CCDC149: variants seen among roughly 807,000 people sequenced by gnomAD.
CCDC149 encodes the protein coiled-coil domain containing 149.
In CCDC149, 45 loss-of-function variants were observed where a neutral mutation model predicts 59.9. That is an observed-to-expected ratio of 0.75 (90% confidence interval 0.59 to 0.96). The LOEUF is 0.96. Ranked by LOEUF, CCDC149 falls within the 40% of genes least tolerant of loss-of-function variation. The pLI, the probability that CCDC149 is intolerant of heterozygous loss-of-function variation, is 0.00. For missense variants in CCDC149, 584 were observed against 664.7 expected (o/e 0.88, Z 1.33); for synonymous variants, 245 against 260.6 (o/e 0.94, Z 0.58).
intron 1 of CCDC149, among the ~76,000 whole-genome samples, chr4:24,970,582 A>T (rs1723937059): frequency 6.6e-6 from 1 of 152,140 alleles, no homozygotes; most frequent in South Asian, 2.1e-4. Flanking sequence ...AACATAACAC[A>T]TGTCACTACA....
intron 1 of CCDC149, among the ~76,000 whole-genome samples, chr4:24,951,725 G>C (rs779176198): frequency 3.9e-5 from 6 of 152,174 alleles, no homozygotes; most frequent in Non-Finnish European, 7.3e-5. Context: ...ATACCTCACA[G>C]TGTTATTAGA....
chr4:24,917,611 A>G (rs1195352173), upstream of CCDC149, among the ~76,000 whole-genome samples: 1 of 152,038 alleles, frequency 6.6e-6, no homozygotes, highest in Non-Finnish European at 1.5e-5. Flanking sequence ...GCCGGAGGAG[A>G]GGCCTAAAGA....
chr4:24,951,565 G>A (rs753285087), intron 1 of CCDC149, among the ~76,000 whole-genome samples: 2 of 152,074 alleles, frequency 1.3e-5, no homozygotes, highest in African/African-American at 2.4e-5. Context: ...CTTACTCTGG[G>A]TTTTTCTGGT....
chr4:24,850,790 G>A (rs1461518666), intron 4 of CCDC149, among the ~76,000 whole-genome samples: 1 of 152,096 alleles, frequency 6.6e-6, no homozygotes, highest in African/African-American at 2.4e-5. Context: ...TGGGAACGGG[G>A]GCTTCTGAGG....
At chr4:24,863,653 C>T (rs1718514030) in intron 3 of CCDC149, among the ~76,000 whole-genome samples, 1 of 152,232 alleles carries the variant, frequency 6.6e-6, no homozygotes, top group Non-Finnish European at 1.5e-5. Context: ...ACTCTAAAGC[C>T]TCCTATCAAC....
chr4:24,833,170 A>G (rs1716267152), intron 8 of CCDC149, among the ~76,000 whole-genome samples: 1 of 151,716 alleles, frequency 6.6e-6, no homozygotes, highest in African/African-American at 2.4e-5. Context: ...TATTCCTACC[A>G]GACATTAAAA....
At chr4:24,843,025 T>A (rs944484965) in intron 4 of CCDC149, among the ~76,000 whole-genome samples, 2 of 151,084 alleles carry the variant, frequency 1.3e-5, no homozygotes, top group African/African-American at 2.4e-5. Flanking sequence ...AAAAAAAAAA[T>A]GGATAAAATC....
intron 1 of CCDC149, among the ~76,000 whole-genome samples, chr4:24,977,721 G>T (rs1220114210): frequency 6.6e-6 from 1 of 152,182 alleles, no homozygotes; most frequent in African/African-American, 2.4e-5. Flanking sequence ...CCAATACAGG[G>T]ATGATAATAC....
At chr4:24,866,838 C>CAT (rs1404946631) in intron 3 of CCDC149, among the ~76,000 whole-genome samples, 1 of 148,148 alleles carries the variant, frequency 6.8e-6, no homozygotes, top group Non-Finnish European at 1.5e-5. Flanking sequence ...CACACACACA[C>CAT]ACACACGTGC....
chr4:24,842,869 C>A (rs1211705425), intron 4 of CCDC149, among the ~76,000 whole-genome samples: 1 of 152,224 alleles, frequency 6.6e-6, no homozygotes, highest in Non-Finnish European at 1.5e-5. Context: ...TTACCTGAAT[C>A]TGTTTTACCC....
intron 3 of CCDC149, among the ~76,000 whole-genome samples, chr4:24,857,946 C>A (rs541379952): frequency 6.6e-6 from 1 of 152,160 alleles, no homozygotes; most frequent in Non-Finnish European, 1.5e-5. Flanking sequence ...ACCTCCTCAA[C>A]TCCAAAACAA....
At chr4:24,884,997 A>G (rs187534392) in intron 1 of CCDC149, among the ~76,000 whole-genome samples, 1 of 152,058 alleles carries the variant, frequency 6.6e-6, no homozygotes, top group East Asian at 1.9e-4. Context: ...GGAAAATGTT[A>G]CTCCTGGCTG....
chr4:24,885,963 A>T (rs1356956151), intron 1 of CCDC149, among the ~76,000 whole-genome samples: 1 of 152,196 alleles, frequency 6.6e-6, no homozygotes, highest in Non-Finnish European at 1.5e-5. Flanking sequence ...TATTTTCCAA[A>T]CTGCTAAATG....
chr4:24,874,888 T>A (rs957944858), intron 2 of CCDC149, among the ~76,000 whole-genome samples: 7 of 152,228 alleles, frequency 4.6e-5, no homozygotes, highest in Non-Finnish European at 8.8e-5. Context: ...TCCATTTCAG[T>A]ATCATTTGCA....
At chr4:24,882,199 TG>T (rs1719882662) in intron 1 of CCDC149, among the ~76,000 whole-genome samples, 1 of 152,046 alleles carries the variant, frequency 6.6e-6, no homozygotes, top group Non-Finnish European at 1.5e-5. Flanking sequence ...TGAAGGAAGA[TG>T]GAAAAAAAAA....
chr4:24,831,769 G>T, intron 8 of CCDC149, 119 bp from the exon 9 acceptor site: 1 of 821,140 alleles, frequency 1.2e-6, no homozygotes, highest in African/African-American at 1.8e-5. Context: ...CTACTATGTT[G>T]TATTGAGAGT....
intron 1 of CCDC149, among the ~76,000 whole-genome samples, chr4:24,901,393 G>A (rs10939013): frequency 0.68 from 103,063 of 152,070 alleles, 36,936 homozygotes; most frequent in Non-Finnish European, 0.79. Flanking sequence ...TTCATTCAGG[G>A]ACTGGCCAAA....
At chr4:24,813,593 G>A (rs1714814547) in intron 12 of CCDC149, among the ~76,000 whole-genome samples, 1 of 149,346 alleles carries the variant, frequency 6.7e-6, no homozygotes, top group Non-Finnish European at 1.5e-5. Context: ...TTTCTGCAAC[G>A]TGTAACAATG....
chr4:24,945,141 G>A (rs1420346161), intron 1 of CCDC149, among the ~76,000 whole-genome samples: 1 of 152,186 alleles, frequency 6.6e-6, no homozygotes, highest in Non-Finnish European at 1.5e-5. Flanking sequence ...GACCCAGTAG[G>A]TCTAGGGTGG....
Sources: allele counts gnomAD v4.1 joint callset (sites outside exome capture counted in the v4.1 genomes callset), GRCh38; gene constraint gnomAD v4.1.1; transcripts MANE v1.5; gene names NCBI Gene and HGNC (gene_info 2026-07-23, HGNC 2026-07-21).